Variants in SPAST observed in about 807,000 individuals in gnomAD.
SPAST encodes the protein spastic paraplegia 4 (autosomal dominant; spastin).
SPAST carries 30 observed loss-of-function variants against 76.6 expected under a neutral mutation model. The ratio of observed to expected loss-of-function variants is 0.39; its 90% CI spans 0.29 to 0.53. The LOEUF is 0.53. SPAST is among the 20% of genes least tolerant of loss of function. The pLI is 0.68. For synonymous variants in SPAST, 305 were observed against 281.0 expected (o/e 1.09, Z -0.86); for missense variants, 717 against 770.5 (o/e 0.93, Z 0.82).
intron 3 of SPAST, among the ~76,000 whole-genome samples, chr2:32,094,068 C>T (rs184004797): frequency 8.1e-4 from 124 of 152,316 alleles, no homozygotes; most frequent in African/African-American, 2.6e-3. Context: ...TCTGGCACCA[C>T]ATCTCTGAAA....
At chr2:32,114,605 C>G (rs775105475) in intron 4 of SPAST, 33 bp from the exon 5 acceptor site, 3 of 1,575,972 alleles carry the variant, frequency 1.9e-6, no homozygotes. Flanking sequence ...CTACAATTTT[C>G]TAATCACAAT....
intron 4 of SPAST, 91 bp from the exon 5 acceptor site, chr2:32,114,547 T>C: frequency 1.0e-6 from 1 of 968,064 alleles, no homozygotes; most frequent in Non-Finnish European, 1.6e-6. Flanking sequence ...ATTAAAAAAA[T>C]ATATTATTAC....
At chr2:32,105,090 C>T (rs1053790828) in intron 4 of SPAST, among the ~76,000 whole-genome samples, 12 of 152,090 alleles carry the variant, frequency 7.9e-5, no homozygotes, top group Admixed American at 1.3e-4. Context: ...CAGGTACACC[C>T]GTCAGACATA....
intron 7 of SPAST, among the ~76,000 whole-genome samples, chr2:32,124,514 A>G (rs1679127984): frequency 6.6e-6 from 1 of 152,198 alleles, no homozygotes; most frequent in Non-Finnish European, 1.5e-5. Context: ...AACTCTTACC[A>G]TATGGTCCAG....
intron 7 of SPAST, among the ~76,000 whole-genome samples, chr2:32,124,776 G>C (rs1679137818): frequency 6.6e-6 from 1 of 152,184 alleles, no homozygotes; most frequent in Non-Finnish European, 1.5e-5. Context: ...ATTGCTAAAT[G>C]AAAGAAGCCA....
At chr2:32,104,559 C>T (rs1024975435) in intron 4 of SPAST, among the ~76,000 whole-genome samples, 18 of 152,144 alleles carry the variant, frequency 1.2e-4, no homozygotes, top group Admixed American at 2.0e-4. Context: ...ATGGTCTTTA[C>T]AATTTGGCAT....
At chr2:32,131,210 A>G (rs533598348) in intron 9 of SPAST, among the ~76,000 whole-genome samples, 5 of 152,276 alleles carry the variant, frequency 3.3e-5, no homozygotes, top group Admixed American at 1.3e-4. Context: ...CAGGAACACT[A>G]TCTTCTCCTG....
intron 1 of SPAST, among the ~76,000 whole-genome samples, chr2:32,069,971 TA>T (rs1676682209): frequency 6.6e-6 from 1 of 151,974 alleles, no homozygotes; most frequent in Non-Finnish European, 1.5e-5. Flanking sequence ...AATGCCAAAT[TA>T]AATCTCATTT....
chr2:32,069,370 C>G (rs1302322895), intron 1 of SPAST, among the ~76,000 whole-genome samples: 3 of 152,028 alleles, frequency 2.0e-5, no homozygotes, highest in Non-Finnish European at 4.4e-5. Context: ...CTGTCCTTGA[C>G]AACACAAACC....
chr2:32,094,623 C>A (rs1677852356), intron 3 of SPAST, among the ~76,000 whole-genome samples: 1 of 152,162 alleles, frequency 6.6e-6, no homozygotes, highest in South Asian at 2.1e-4. Context: ...GTAAAGGCCA[C>A]CATGAGGACT....
At chr2:32,075,186 G>A (rs1676903324) in intron 1 of SPAST, among the ~76,000 whole-genome samples, 1 of 151,966 alleles carries the variant, frequency 6.6e-6, no homozygotes, top group African/African-American at 2.4e-5. Context: ...ACTTTGGGAG[G>A]CTGAGGTGGG....
chr2:32,104,544 C>A (rs889859125), intron 4 of SPAST, among the ~76,000 whole-genome samples: 1 of 152,108 alleles, frequency 6.6e-6, no homozygotes, highest in Non-Finnish European at 1.5e-5. Flanking sequence ...TTCTTCCTAG[C>A]CTCGATGGTC....
chr2:32,154,490 T>A lies in SPAST; in HGVS notation c.1845T>A (p.Thr615=), dbSNP rs1259484047. 6 of 1,613,774 alleles carry A rather than the reference T, an allele frequency of 3.7e-6. No individual in the cohort carries two copies. The highest frequency in any genetic ancestry group is 1.7e-5 in the Admixed American group (1 of 60,018). The change falls in exon 17 of 17, where the codon ACT becomes ACA. Residue 615 remains threonine, a synonymous_variant. Coordinates refer to ENST00000315285, the MANE Select transcript of SPAST (RefSeq NM_014946.4). ...IRWNKDFGDT[T]V is the part of the protein sequence containing the mutation. ...GGAACAAGGACTTTGGAGATACCAC[T>A]GTTTAAGGAAATACCTTTGTAAACC...
chr2:32,097,792 T>A (rs1315244087), intron 3 of SPAST, among the ~76,000 whole-genome samples: 1 of 151,798 alleles, frequency 6.6e-6, no homozygotes, highest in African/African-American at 2.4e-5. Context: ...CTCCCCGGTT[T>A]AAGCCATTCC....
chr2:32,105,144 T>C (rs1209660632), intron 4 of SPAST, among the ~76,000 whole-genome samples: 1 of 152,194 alleles, frequency 6.6e-6, no homozygotes, highest in Non-Finnish European at 1.5e-5. Flanking sequence ...GGAGGTTCTG[T>C]TCGTTTCCTT....
intron 7 of SPAST, among the ~76,000 whole-genome samples, chr2:32,118,551 T>C (rs2148736676): frequency 6.6e-6 from 1 of 152,308 alleles, no homozygotes; most frequent in Non-Finnish European, 1.5e-5. Flanking sequence ...GTAAATGCTA[T>C]AGACTAAATA....
At chr2:32,084,887 C>CAAAA (rs34046587) in intron 1 of SPAST, among the ~76,000 whole-genome samples, 3 of 81,544 alleles carry the variant, frequency 3.7e-5, no homozygotes, top group Admixed American at 1.6e-4. Context: ...GACTCCGTCT[C>CAAAA]AAAAAAAAAA....
At chr2:32,091,035 G>C (rs1030594589) in intron 3 of SPAST, among the ~76,000 whole-genome samples, 6 of 151,684 alleles carry the variant, frequency 4.0e-5, no homozygotes. Context: ...GTTTGATGGC[G>C]TAGGTTTTAA....
intron 4 of SPAST, 49 bp downstream of exon 4, chr2:32,098,940 AAG>A (rs764454016): frequency 8.1e-6 from 10 of 1,241,310 alleles, no homozygotes; most frequent in Non-Finnish European, 9.5e-6. Flanking sequence ...CATGCAAAGT[AAG>A]AGTCTTACTT....
Sources: allele counts gnomAD v4.1 joint callset (sites outside exome capture counted in the v4.1 genomes callset), GRCh38; gene constraint gnomAD v4.1.1; transcripts MANE v1.5; gene names NCBI Gene and HGNC (gene_info 2026-07-23, HGNC 2026-07-21).